Variants in PDE11A observed in about 807,000 individuals in gnomAD.
The protein encoded by PDE11A is phosphodiesterase 11A.
Under a neutral mutation model 100.5 loss-of-function variants are expected in PDE11A, and 100 were observed. That is an observed-to-expected ratio of 1.00 (90% CI 0.85 to 1.18). The LOEUF is 1.18. Ranked by LOEUF, PDE11A falls within the 50% of genes most tolerant of loss-of-function variation. The probability of loss-of-function intolerance (pLI) is 0.00; values close to 1 mark genes in which losing one functional copy is unlikely to be tolerated. For missense variants in PDE11A, 1,141 were observed against 1,152.6 expected, an observed-to-expected ratio of 0.99 and a Z score of 0.15; for synonymous variants, 381 against 420.8, an observed-to-expected ratio of 0.91 and a Z score of 1.16.
intron 2 of PDE11A, among the ~76,000 whole-genome samples, chr2:177,948,624 C>T (rs1184554300): frequency 6.6e-6 from 1 of 152,180 alleles, no homozygotes; most frequent in Non-Finnish European, 1.5e-5. Context: ...TAATAACAGG[C>T]TGAGTGCAGT....
chr2:178,050,623 A>G (rs2086812078), intron 1 of PDE11A, among the ~76,000 whole-genome samples: 1 of 152,174 alleles, frequency 6.6e-6, no homozygotes, highest in South Asian at 2.1e-4. Flanking sequence ...AGATTGGAAG[A>G]ATGGCTAAAT....
chr2:177,912,608 G>T (rs1020342641), intron 2 of PDE11A, among the ~76,000 whole-genome samples: 1 of 151,980 alleles, frequency 6.6e-6, no homozygotes, highest in African/African-American at 2.4e-5. Context: ...CTTATTTCCA[G>T]ACCCTCAGGG....
At chr2:178,010,787 C>T (rs1284774752) in intron 2 of PDE11A, among the ~76,000 whole-genome samples, 2 of 152,102 alleles carry the variant, frequency 1.3e-5, no homozygotes, top group Admixed American at 1.3e-4. Flanking sequence ...TAAGAAATAA[C>T]TGGGTTAAAA....
At chr2:177,734,390 T>C (rs1234485654) in intron 10 of PDE11A, among the ~76,000 whole-genome samples, 1 of 152,136 alleles carries the variant, frequency 6.6e-6, no homozygotes, top group East Asian at 1.9e-4. Flanking sequence ...AGCGATGTTA[T>C]GAAAAAGTAA....
chr2:177,893,034 C>CCCA, intron 4 of PDE11A, among the ~76,000 whole-genome samples: 1 of 152,224 alleles, frequency 6.6e-6, no homozygotes, highest in Middle Eastern at 3.4e-3. Context: ...CTCTCCAATG[C>CCCA]CCACCACCAC....
chr2:177,657,162 C>T lies in PDE11A; in HGVS notation c.2646+6704G>A, dbSNP rs565994175. 4.6e-5 allele frequency among the ~76,000 whole-genome samples: 7 copies of T among 152,308 alleles called. No individual in the cohort carries two copies. In the Middle Eastern group the frequency reaches 0.01, roughly 222 times the overall value. On this transcript the variant is annotated intron_variant, in intron 19 of 19. Transcript: ENST00000286063. ...CCAACACTTTTGAATATTAATGTTTCTCTTCCATTCATATTTGACTAATAA... is the reference window on the plus strand; with the variant it reads ...CCAACACTTTTGAATATTAATGTTTTTCTTCCATTCATATTTGACTAATAA...
chr2:177,977,178 T>G (rs1430051326), intron 2 of PDE11A, among the ~76,000 whole-genome samples: 1 of 43,870 alleles, frequency 2.3e-5, no homozygotes, highest in Non-Finnish European at 4.3e-5. Context: ...CATGATTGTT[T>G]ATCTAGAAAA....
At chr2:177,650,836 G>A (rs773108692) in intron 19 of PDE11A, among the ~76,000 whole-genome samples, 1 of 152,094 alleles carries the variant, frequency 6.6e-6, no homozygotes, top group Non-Finnish European at 1.5e-5. Flanking sequence ...TGGTCTGCAG[G>A]TATGCACCTA....
At chr2:177,783,362 T>C (rs2082481925) in intron 9 of PDE11A, among the ~76,000 whole-genome samples, 1 of 152,224 alleles carries the variant, frequency 6.6e-6, no homozygotes. Flanking sequence ...TCTTAAGTTA[T>C]TTATTAGCTC....
intron 2 of PDE11A, among the ~76,000 whole-genome samples, chr2:177,927,510 A>G (rs1348182535): frequency 6.6e-6 from 1 of 152,216 alleles, no homozygotes; most frequent in Non-Finnish European, 1.5e-5. Flanking sequence ...CACATTGTCA[A>G]AGGTGAAACT....
rs1558953672 is a variant in PDE11A at position 177,818,305 on chromosome 2, ATG to A, written c.1577-382_1577-381del. Among the ~76,000 whole-genome samples, 25 of 99,560 alleles carry A rather than the reference ATG, an allele frequency of 2.5e-4. 1 individual carries two copies. The highest frequency in any genetic ancestry group is 4.9e-3 in the Middle Eastern group (1 of 204). The allele number at this position is 99,560 out of a possible 152,430, so 65.3% of individuals were successfully genotyped here. On this transcript the variant is annotated intron_variant, in intron 7 of 19. Coordinates refer to ENST00000286063, the MANE Select transcript of PDE11A (RefSeq NM_016953.4). ...ATATTTCAACTGAAAATATATATAT[ATG>A]TGTGTATATATATATATATATCATA...
intron 2 of PDE11A, among the ~76,000 whole-genome samples, chr2:177,911,689 G>C (rs774590508): frequency 1.1e-4 from 16 of 152,122 alleles, no homozygotes; most frequent in Non-Finnish European, 1.9e-4. Flanking sequence ...TTCCAGACTA[G>C]CCTGACCAAC....
At chr2:178,084,451 A>G (rs1309811763) in intron 2 of PDE11A, among the ~76,000 whole-genome samples, 1 of 152,206 alleles carries the variant, frequency 6.6e-6, no homozygotes, top group East Asian at 1.9e-4. Context: ...CTAAACTTGG[A>G]TTTTACAAAG....
chr2:177,886,565 G>T (rs1273666220), intron 4 of PDE11A, among the ~76,000 whole-genome samples: 1 of 152,018 alleles, frequency 6.6e-6, no homozygotes, highest in Admixed American at 6.6e-5. Flanking sequence ...ACATAAATTT[G>T]CAATAAGCAG....
intron 4 of PDE11A, among the ~76,000 whole-genome samples, chr2:177,887,459 G>A (rs201211535): frequency 1.3e-5 from 2 of 149,128 alleles, no homozygotes; most frequent in Non-Finnish European, 3.0e-5. Context: ...CGTTAAAAAA[G>A]AAAAAAAAAA....
chr2:177,771,195 CA>C (rs2082306630), intron 9 of PDE11A, among the ~76,000 whole-genome samples: 1 of 152,226 alleles, frequency 6.6e-6, no homozygotes, highest in African/African-American at 2.4e-5. Context: ...TCTTCACCTA[CA>C]AACCTTAGAG....
At chr2:177,830,477 T>C (rs142580117) in intron 6 of PDE11A, among the ~76,000 whole-genome samples, 3,833 of 151,946 alleles carry the variant, frequency 0.025, 154 homozygotes, top group African/African-American at 0.088. Flanking sequence ...GGTGTGCACC[T>C]GTAATCCCAG....
At chr2:177,686,977 A>C (rs370681655) in intron 15 of PDE11A, 8 of 152,104 alleles carry the variant, frequency 5.3e-5, no homozygotes, top group African/African-American at 1.9e-4. Context: ...TCGGCCTCCC[A>C]GAGTGCTGGG....
chr2:177,660,085 T>TCTC (rs2080457274), intron 19 of PDE11A, among the ~76,000 whole-genome samples: 1 of 36,988 alleles, frequency 2.7e-5, no homozygotes, highest in Non-Finnish European at 5.8e-5. Context: ...CTTTCTTTCT[T>TCTC]TCTTTCTTTC....
Sources: allele counts gnomAD v4.1 joint callset (sites outside exome capture counted in the v4.1 genomes callset), GRCh38; gene constraint gnomAD v4.1.1; transcripts MANE v1.5; gene names NCBI Gene and HGNC (gene_info 2026-07-23, HGNC 2026-07-21).